The following EED variants were observed in gnomAD, a reference collection of about 807,000 sequenced individuals.
EED encodes the protein polycomb protein EED.
A neutral mutation model predicts 61.0 loss-of-function variants in EED; 9 were observed. That is an observed-to-expected ratio of 0.15 (90% CI 0.09 to 0.26). EED has a LOEUF of 0.26. Ranked by LOEUF, EED falls within the 10% of genes least tolerant of loss-of-function variation. The pLI is 1.00. For synonymous variants in EED, 187 were observed against 174.4 expected, an observed-to-expected ratio of 1.07 and a Z score of -0.57; for missense variants, 315 against 542.3, an observed-to-expected ratio of 0.58 and a Z score of 4.16.
chr11:86,258,536 C>G (rs1437040516), intron 6 of EED, among the ~76,000 whole-genome samples: 3 of 147,226 alleles, frequency 2.0e-5, no homozygotes, highest in African/African-American at 7.4e-5. Context: ...CTTTTTTTTT[C>G]TCTTTTCTTT....
Position 86,245,134 on chromosome 11 carries a change from G to A in EED, c.-96G>A, listed in dbSNP as rs1422344619. 6.3e-6 allele frequency: 6 copies of A among 958,770 alleles called. No homozygotes were observed. The highest frequency in any genetic ancestry group is 9.3e-6 in the Non-Finnish European group (6 of 647,122). 59.4% of individuals were successfully genotyped at this position (958,770 alleles called of 1,614,324 possible). A position where few individuals can be genotyped will look rare whatever the true frequency, so the allele number is the denominator to read the frequency against. On this transcript the variant is annotated 5_prime_UTR_variant, in exon 1 of 12. Coordinates refer to ENST00000263360, the MANE Select transcript of EED (RefSeq NM_003797.5). ...GGGCGGTGGAGGTGGCGGCGGCAGC[G>A]GCAACTTTGCGGCAAGCTCGGGCCG...
chr11:86,265,460 G>A (rs920944721), intron 7 of EED: 1 of 152,114 alleles, frequency 6.6e-6, no homozygotes, highest in Non-Finnish European at 1.5e-5. Context: ...TAGCATCTCT[G>A]GGCCTTAGTG....
intron 8 of EED, among the ~76,000 whole-genome samples, chr11:86,266,736 A>G (rs886431098): frequency 3.3e-5 from 5 of 152,088 alleles, no homozygotes; most frequent in Non-Finnish European, 7.4e-5. Flanking sequence ...TCATGGTACT[A>G]TAGGTTGGGG....
chr11:86,285,464 C>G, the EED span, among the ~76,000 whole-genome samples: 1 of 152,066 alleles, frequency 6.6e-6, no homozygotes, highest in Non-Finnish European at 1.5e-5. Context: ...GTTAAAGGTA[C>G]TAACTATAAA....
intron 11 of EED, 38 bp from the exon 12 acceptor site, chr11:86,278,361 T>C (rs1272431834): frequency 3.7e-6 from 6 of 1,600,500 alleles, no homozygotes; most frequent in Non-Finnish European, 5.1e-6. Context: ...GACAACGTTA[T>C]GTGTGGTCTT....
chr11:86,274,101 CTT>C (rs375116812), intron 9 of EED, among the ~76,000 whole-genome samples: 2 of 139,372 alleles, frequency 1.4e-5, no homozygotes, highest in Admixed American at 7.1e-5. Context: ...TGTCTTTTTT[CTT>C]TTTTTTTTTT....
At chr11:86,273,937 T>C (rs1946172461) in intron 9 of EED, among the ~76,000 whole-genome samples, 1 of 152,238 alleles carries the variant, frequency 6.6e-6, no homozygotes, top group Non-Finnish European at 1.5e-5. Flanking sequence ...TGGGGTTCAC[T>C]GACATTCTTG....
chr11:86,249,934 C>A (rs1322958320), intron 1 of EED, among the ~76,000 whole-genome samples: 1 of 152,108 alleles, frequency 6.6e-6, no homozygotes, highest in Non-Finnish European at 1.5e-5. Flanking sequence ...GAATTACCAG[C>A]CAAGAGACCA....
At chr11:86,249,642 C>T (rs902610841) in intron 1 of EED, among the ~76,000 whole-genome samples, 2 of 150,788 alleles carry the variant, frequency 1.3e-5, no homozygotes, top group Admixed American at 1.3e-4. Context: ...GATTGAGAGT[C>T]TCTGGAGTTC....
At chr11:86,281,132 C>G (rs1013988479), downstream of EED, among the ~76,000 whole-genome samples, 1 of 152,100 alleles carries the variant, frequency 6.6e-6, no homozygotes, top group Non-Finnish European at 1.5e-5. Flanking sequence ...TGCTAGTGTC[C>G]TTGGTCTGGC....
At chr11:86,264,095 T>A in intron 6 of EED, 77 bp from the exon 7 acceptor site, 1 of 1,113,594 alleles carries the variant, frequency 9.0e-7, no homozygotes, top group Non-Finnish European at 1.4e-6. Flanking sequence ...TAGACTTTAG[T>A]AGTTTTTCTT....
At chr11:86,278,349 C>G (rs543573070) in intron 11 of EED, 50 bp from the exon 12 acceptor site, 3 of 1,584,372 alleles carry the variant, frequency 1.9e-6, no homozygotes, top group Non-Finnish European at 2.6e-6. Flanking sequence ...AGGGTAGACA[C>G]TGACAACGTT....
chr11:86,278,642 G>C lies in EED; in HGVS notation c.*117G>C. The stretch of plus-strand genomic sequence containing the variant: ...AGAGTTGTCTTTCAGCATTCAATCA[G>C]GCTGAGCTGAATGTAGTGATGTTTA... On this transcript the variant is annotated 3_prime_UTR_variant, in exon 12 of 12. Transcript: ENST00000263360. 7.4e-7 allele frequency: 1 copy of C among 1,342,836 alleles called. No homozygotes were observed. Among genetic ancestry groups the C allele is most frequent in the Non-Finnish European group, 1.0e-6 (1 of 989,368 alleles). The allele number at this position is 1,342,836 out of a possible 1,614,324, so 83.2% of individuals were successfully genotyped here.
In EED at chr11:86,245,033, G is replaced by A. The variant is rs1031593216; in HGVS notation, c.-197G>A. The A allele has an allele frequency of 8.2e-6, 4 of 485,896 alleles. No individual in the cohort carries two copies. The highest frequency in any genetic ancestry group is 4.1e-5 in the African/African-American group (2 of 48,330). 30.1% of individuals were successfully genotyped at this position (485,896 alleles called of 1,614,324 possible). ...GCCGCGCGGGAGGGCGCGCGCGCGC[G>A]CCCCTTTTTCAGCAGTGTGGCGGGG... On this transcript the variant is annotated 5_prime_UTR_variant, in exon 1 of 12. Transcript: ENST00000263360.
chr11:86,273,669 A>C (rs1200433005), intron 9 of EED, among the ~76,000 whole-genome samples: 2 of 152,140 alleles, frequency 1.3e-5, no homozygotes, highest in African/African-American at 4.8e-5. Context: ...TATTCACTCG[A>C]TATAGGATTC....
the EED span, among the ~76,000 whole-genome samples, chr11:86,286,971 CAAAAAAA>C: frequency 7.8e-4 from 53 of 68,338 alleles, no homozygotes; most frequent in African/African-American, 1.7e-3. Context: ...GACTCCGTCT[CAAAAAAA>C]AAAAAAAAAA....
the EED span, chr11:86,284,176 C>T: frequency 2.0e-5 from 3 of 152,200 alleles, no homozygotes; most frequent in African/African-American, 7.2e-5. Context: ...TGTGGTGAGA[C>T]AAGGCGCTCA....
At chr11:86,262,353 G>T (rs1945854359) in intron 6 of EED, among the ~76,000 whole-genome samples, 1 of 152,256 alleles carries the variant, frequency 6.6e-6, no homozygotes, top group African/African-American at 2.4e-5. Flanking sequence ...CTTCTGCCAG[G>T]TATTGGATTC....
intron 2 of EED, 71 bp downstream of exon 2, chr11:86,250,519 C>G: frequency 7.1e-7 from 1 of 1,400,132 alleles, no homozygotes. Flanking sequence ...GCACGCATTT[C>G]GTACTCAGGA....
Sources: allele counts gnomAD v4.1 joint callset (sites outside exome capture counted in the v4.1 genomes callset), GRCh38; gene constraint gnomAD v4.1.1; transcripts MANE v1.5; gene names NCBI Gene and HGNC (gene_info 2026-07-23, HGNC 2026-07-21).